Variants in NR2E1 observed in about 807,000 individuals in gnomAD.
NR2E1 encodes nuclear receptor TLX.
In NR2E1, 5 loss-of-function variants were observed where a neutral mutation model predicts 43.6. The observed-to-expected ratio is 0.11, with a 90% CI of 0.06 to 0.24. The LOEUF (loss-of-function observed/expected upper bound fraction) is 0.24. NR2E1 is among the 10% of genes least tolerant of loss of function. NR2E1 has a pLI of 1.00. For missense variants in NR2E1, 287 were observed against 496.7 expected (o/e 0.58, Z 4.01); for synonymous variants, 191 against 195.5 (o/e 0.98, Z 0.19).
intron 8 of NR2E1, among the ~76,000 whole-genome samples, chr6:108,185,533 T>G (rs922019464): frequency 6.6e-6 from 1 of 152,096 alleles, no homozygotes; most frequent in Non-Finnish European, 1.5e-5. Flanking sequence ...ACCTCTGCCT[T>G]CTGAGTATCT....
At position 108,169,943 on chromosome 6, in the gene NR2E1, G is replaced by T. The variant is rs1185612212; in HGVS notation, c.26-1515G>T. On this transcript the variant is annotated intron_variant, in intron 1 of 8. Transcript: ENST00000368986. The surrounding 1 kb of genome is among the most constrained non-coding windows in gnomAD (Gnocchi z 6.1). ...TACCCGGCCGAGCCTGGTCGTTACC[G>T]AACACCCCCTCACCCCCAAGCACGG... 6.6e-6 allele frequency among the ~76,000 whole-genome samples: 1 copy of T among 152,012 alleles called. No homozygotes were observed. Among genetic ancestry groups the T allele is most frequent in the Non-Finnish European group, 1.5e-5 (1 of 68,000 alleles).
At chr6:108,185,723 G>C (rs866095582) in intron 8 of NR2E1, among the ~76,000 whole-genome samples, 4 of 152,202 alleles carry the variant, frequency 2.6e-5, no homozygotes, top group Admixed American at 2.0e-4. Context: ...TAGTAGTACA[G>C]TATGCTATAT....
At chr6:108,184,267 T>C (rs529959148) in intron 8 of NR2E1, among the ~76,000 whole-genome samples, 8 of 152,248 alleles carry the variant, frequency 5.3e-5, no homozygotes, top group Admixed American at 2.0e-4. Context: ...AACTGACCTT[T>C]GACATTTAGA....
intron 8 of NR2E1, among the ~76,000 whole-genome samples, chr6:108,183,841 G>C (rs537294683): frequency 7.9e-5 from 12 of 152,198 alleles, no homozygotes; most frequent in Admixed American, 7.8e-4. Flanking sequence ...ATATATAGTA[G>C]GCAGTTAATA....
chr6:108,180,783 A>AT lies in NR2E1; in HGVS notation c.740-21dup, dbSNP rs758133033. Reference sequence around the variant, plus strand: ...CATGAAAATGCCTTCATATTAGAGTATTTATCCCATATTTTTATTCTAGGC... The same window carrying AT: ...CATGAAAATGCCTTCATATTAGAGTATTTTATCCCATATTTTTATTCTAGGC... On this transcript the variant is annotated intron_variant, in intron 6 of 8. Coordinates refer to ENST00000368986, the MANE Select transcript of NR2E1 (RefSeq NM_003269.5). This position sits in a 1 kb window ranked among gnomAD's most constrained non-coding sequence, Gnocchi z 5.4. 8.1e-6 allele frequency: 13 copies of AT among 1,610,206 alleles called. No homozygotes were observed. The Admixed American group carries it at 2.2e-4, about 27-fold the overall frequency.
At chr6:108,182,857 C>T (rs1180355852) in intron 8 of NR2E1, among the ~76,000 whole-genome samples, 5 of 151,598 alleles carry the variant, frequency 3.3e-5, no homozygotes, top group African/African-American at 7.3e-5. Context: ...ATGCCCGGCA[C>T]ACCCAGCTAA....
intron 8 of NR2E1, 94 bp downstream of exon 8, chr6:108,181,745 CTAAT>C (rs985254112): frequency 4.4e-6 from 4 of 915,184 alleles, no homozygotes; most frequent in Non-Finnish European, 7.1e-6. Flanking sequence ...AACATTGTGA[CTAAT>C]TATCTTGTTG....
At chr6:108,174,123 G>A (rs980530468) in intron 2 of NR2E1, among the ~76,000 whole-genome samples, 1 of 152,064 alleles carries the variant, frequency 6.6e-6, no homozygotes, top group Non-Finnish European at 1.5e-5. Flanking sequence ...TCTTCTCTAG[G>A]CCTTGCCCTC....
rs1167019579 is a variant in NR2E1, at chr6:108,166,625, C to T, written c.-141C>T. Reference sequence around the variant, plus strand: ...AGCGCCCAGGGAGCAGCGCAGCGCGCGACTGACACCCACCTGTCCCGCCCA... The same window carrying T: ...AGCGCCCAGGGAGCAGCGCAGCGCGTGACTGACACCCACCTGTCCCGCCCA... On this transcript the variant is annotated 5_prime_UTR_variant, in exon 1 of 9. Coordinates refer to ENST00000368986, the MANE Select transcript of NR2E1 (RefSeq NM_003269.5). This position sits in a 1 kb window ranked among gnomAD's most constrained non-coding sequence, Gnocchi z 7.2. 8.1e-6 allele frequency: 5 copies of T among 616,306 alleles called. No homozygotes were observed. Among genetic ancestry groups the T allele is most frequent in the African/African-American group, 2.0e-5 (1 of 50,344 alleles). The allele number at this position is 616,306 out of a possible 1,614,324, so 38.2% of individuals were successfully genotyped here. A position where few individuals can be genotyped will look rare whatever the true frequency, so the allele number is the denominator to read the frequency against.
chr6:108,173,104 A>G (rs1419390473), intron 2 of NR2E1, among the ~76,000 whole-genome samples: 2 of 152,246 alleles, frequency 1.3e-5, no homozygotes, highest in Admixed American at 1.3e-4. Context: ...AAGTGCTTGT[A>G]AAGGACTGAT....
rs1466932259 is a variant in NR2E1, at chr6:108,188,302, G to T, written c.*839G>T. The T allele has an allele frequency of 6.6e-6, 1 of 152,168 alleles. No homozygotes were observed. The highest frequency in any genetic ancestry group is 1.9e-4 in the East Asian group (1 of 5,198). The allele number at this position is 152,168 out of a possible 1,614,324, so 9.4% of individuals were successfully genotyped here. A position where few individuals can be genotyped will look rare whatever the true frequency, so the allele number is the denominator to read the frequency against. ...GGTAGATTGCTGTCCCGTTAACATA[G>T]TGCTGAAACCAAAGGCAGTGGGGGT... On this transcript the variant is annotated 3_prime_UTR_variant, in exon 9 of 9. Transcript: ENST00000368986.
chr6:108,166,876 C>T lies in NR2E1; in HGVS notation c.25+86C>T. ...AGGCTGGGGGAGGTCCTGCCTGGAG[C>T]GCTGCGAATCTGAGCCCCTGAGAGG... On this transcript the variant is annotated intron_variant, in intron 1 of 8. Transcript: ENST00000368986. This position sits in a 1 kb window ranked among gnomAD's most constrained non-coding sequence, Gnocchi z 7.2. The T allele has an allele frequency of 2.2e-6, 3 of 1,363,396 alleles. No homozygotes were observed. Among genetic ancestry groups the T allele is most frequent in the Non-Finnish European group, 2.0e-6 (2 of 984,492 alleles). 84.5% of individuals were successfully genotyped at this position (1,363,396 alleles called of 1,614,324 possible).
At chr6:108,177,045 C>A (rs1270951656) in intron 4 of NR2E1, among the ~76,000 whole-genome samples, 1 of 152,162 alleles carries the variant, frequency 6.6e-6, no homozygotes, top group Non-Finnish European at 1.5e-5. Flanking sequence ...TTAGGAAACA[C>A]CCACTGGTAA....
At chr6:108,184,972 C>T (rs973792437) in intron 8 of NR2E1, among the ~76,000 whole-genome samples, 1 of 152,146 alleles carries the variant, frequency 6.6e-6, no homozygotes, top group African/African-American at 2.4e-5. Context: ...ATATCAGCTA[C>T]AGCTGTAATT....
rs1228290377 is a variant in NR2E1 at position 108,176,761 on chromosome 6, A to G, written c.495+23A>G. ...AAGGTCAGCGGCCTTGCTGGGCCCA[A>G]AGAGACTCGTGCCAGCGAATGGAGA... On this transcript the variant is annotated intron_variant, in intron 4 of 8. Coordinates refer to ENST00000368986, the MANE Select transcript of NR2E1 (RefSeq NM_003269.5). The G allele has an allele frequency of 1.5e-5, 23 of 1,538,604 alleles. No individual in the cohort carries two copies. The East Asian group carries it at 5.5e-4, about 37-fold the overall frequency.
chr6:108,178,977 A>AT (rs1265651548), intron 5 of NR2E1: 1 of 152,684 alleles, frequency 6.5e-6, no homozygotes, highest in Non-Finnish European at 1.5e-5. Context: ...AAGAAAGAAA[A>AT]TAAAGTGTTC....
At chr6:108,181,199 T>A (rs921592402) in intron 7 of NR2E1, among the ~76,000 whole-genome samples, 2 of 152,230 alleles carry the variant, frequency 1.3e-5, no homozygotes, top group South Asian at 2.1e-4. Flanking sequence ...TTTTATTTTT[T>A]AAATTTTTGT....
chr6:108,187,247 A>G, intron 8 of NR2E1, 54 bp from the exon 9 acceptor site: 4 of 1,588,492 alleles, frequency 2.5e-6, no homozygotes, highest in Non-Finnish European at 3.5e-6. Context: ...GTAAGACGTT[A>G]GTTTCCATAA....
chr6:108,179,204 C>T (rs1225209518), intron 5 of NR2E1: 2 of 152,180 alleles, frequency 1.3e-5, no homozygotes, highest in Non-Finnish European at 2.9e-5. Context: ...TTCTTGTTTT[C>T]ATGGCCTGCC....
Sources: gnomAD v4.1 joint callset for allele counts (sites outside exome capture counted in the v4.1 genomes callset) on GRCh38, gnomAD v4.1.1 for gene constraint, Gnocchi (gnomAD v3.1) non-coding constraint, MANE v1.5 for transcripts, NCBI Gene and HGNC (gene_info 2026-07-23, HGNC 2026-07-21) for gene names.